The following KCNH1 variants were observed in gnomAD, a reference collection of about 807,000 sequenced individuals.
The protein encoded by KCNH1 is potassium voltage-gated channel subfamily H member 1, also known as voltage-gated delayed rectifier potassium channel KCNH1.
KCNH1 carries 27 observed loss-of-function variants against 69.2 expected under a neutral mutation model. That is an observed-to-expected ratio of 0.39 (90% CI 0.29 to 0.54). KCNH1 has a LOEUF of 0.54. KCNH1 is among the 20% of genes least tolerant of loss of function. KCNH1 has a pLI of 0.68. For synonymous variants in KCNH1, 456 were observed against 487.7 expected, an observed-to-expected ratio of 0.93 and a Z score of 0.86; for missense variants, 798 against 1,261.6, an observed-to-expected ratio of 0.63 and a Z score of 5.57.
intron 5 of KCNH1, among the ~76,000 whole-genome samples, chr1:211,030,446 T>C (rs1484733502): frequency 1.3e-5 from 2 of 152,058 alleles, no homozygotes; most frequent in South Asian, 2.1e-4. Flanking sequence ...ATTCCAGAAA[T>C]AGACCCATAC....
intron 6 of KCNH1, among the ~76,000 whole-genome samples, chr1:210,929,479 G>T (rs138240338): frequency 6.6e-6 from 1 of 151,976 alleles, no homozygotes; most frequent in Non-Finnish European, 1.5e-5. Flanking sequence ...ATTCAGCATC[G>T]CTTTATGATT....
In KCNH1 at chr1:210,966,117, A is replaced by G. The variant is rs930783785; in HGVS notation, c.1033-46048T>C. On this transcript the variant is annotated intron_variant, in intron 6 of 10. Coordinates refer to ENST00000271751, the MANE Select transcript of KCNH1 (RefSeq NM_172362.3). The stretch of plus-strand genomic sequence containing the variant: ...CATCTGATCTTTGACAAACCTGACA[A>G]AAACAAGAAATGGGGAAAAGGTTCC... 3.9e-5 allele frequency among the ~76,000 whole-genome samples: 6 copies of G among 152,344 alleles called. No homozygotes were observed. In the East Asian group the frequency reaches 5.8e-4, roughly 15 times the overall value.
intron 7 of KCNH1, among the ~76,000 whole-genome samples, chr1:210,847,033 G>C (rs566812348): frequency 9.2e-5 from 14 of 152,234 alleles, no homozygotes; most frequent in African/African-American, 2.6e-4. Context: ...CAATGAGATA[G>C]CATCTCACAC....
chr1:211,096,702 C>A (rs1434759388), intron 3 of KCNH1, among the ~76,000 whole-genome samples: 2 of 152,154 alleles, frequency 1.3e-5, no homozygotes, highest in Admixed American at 1.3e-4. Context: ...ATATATATAT[C>A]TAATGTAATT....
chr1:211,033,806 C>T (rs1689842115), intron 5 of KCNH1, among the ~76,000 whole-genome samples: 1 of 151,934 alleles, frequency 6.6e-6, no homozygotes, highest in South Asian at 2.1e-4. Flanking sequence ...GGAGATATAC[C>T]TAATGTTAAA....
intron 10 of KCNH1, among the ~76,000 whole-genome samples, chr1:210,774,321 A>G (rs1683818068): frequency 6.6e-6 from 1 of 152,168 alleles, no homozygotes; most frequent in African/African-American, 2.4e-5. Flanking sequence ...TTTTTAATGA[A>G]GAGCTTTGTG....
chr1:210,831,008 C>T (rs1182532473), intron 7 of KCNH1, among the ~76,000 whole-genome samples: 1 of 152,172 alleles, frequency 6.6e-6, no homozygotes, highest in Non-Finnish European at 1.5e-5. Flanking sequence ...TTCAGGCACA[C>T]TGTCATTAAA....
intron 7 of KCNH1, among the ~76,000 whole-genome samples, chr1:210,913,908 C>A (rs1053635779): frequency 3.3e-5 from 5 of 152,130 alleles, no homozygotes; most frequent in Non-Finnish European, 1.5e-5. Context: ...AAGTGATAGA[C>A]AACTTCCTAG....
At chr1:210,698,423 C>T (rs1010753631) in intron 10 of KCNH1, among the ~76,000 whole-genome samples, 2 of 152,030 alleles carry the variant, frequency 1.3e-5, no homozygotes, top group African/African-American at 2.4e-5. Context: ...TGGACAGAGG[C>T]CCTAAGAGAA....
intron 7 of KCNH1, among the ~76,000 whole-genome samples, chr1:210,855,037 A>C (rs1238401157): frequency 6.6e-6 from 1 of 152,156 alleles, no homozygotes; most frequent in African/African-American, 2.4e-5. Flanking sequence ...TTTTAACCTA[A>C]TATCACCTGC....
chr1:210,754,197 G>A (rs1277897590), intron 10 of KCNH1, among the ~76,000 whole-genome samples: 1 of 152,052 alleles, frequency 6.6e-6, no homozygotes, highest in Admixed American at 6.6e-5. Flanking sequence ...GGGATTACAG[G>A]CATGAGCCAC....
chr1:210,698,725 A>G (rs910529610), intron 10 of KCNH1, among the ~76,000 whole-genome samples: 2 of 152,192 alleles, frequency 1.3e-5, no homozygotes, highest in African/African-American at 2.4e-5. Context: ...GACCTTGCAC[A>G]ACAACCCTAT....
intron 6 of KCNH1, among the ~76,000 whole-genome samples, chr1:210,964,597 G>A (rs371552262): frequency 6.6e-6 from 1 of 152,196 alleles, no homozygotes; most frequent in East Asian, 1.9e-4. Context: ...ATCTGAAATT[G>A]GGACAGTAAT....
rs558598121 is a variant in KCNH1 at position 210,788,888 on chromosome 1, G to A, written c.1915+8620C>T. Among the ~76,000 whole-genome samples, 303 of 148,836 alleles carry A rather than the reference G, an allele frequency of 2.0e-3. 1 individual carries two copies. The highest frequency in any genetic ancestry group is 3.4e-3 in the Non-Finnish European group (231 of 67,778). On this transcript the variant is annotated intron_variant, in intron 9 of 10. Coordinates refer to ENST00000271751, the MANE Select transcript of KCNH1 (RefSeq NM_172362.3). ...ATTTTTTGTATTTTTAGTAGAGACG[G>A]GGTTTCACCGTTTTAGCCGGGATGG...
intron 7 of KCNH1, among the ~76,000 whole-genome samples, chr1:210,815,883 C>T (rs2102420184): frequency 6.6e-6 from 1 of 152,326 alleles, no homozygotes; most frequent in Non-Finnish European, 1.5e-5. Context: ...ACACACAGAT[C>T]CCACACCCTT....
intron 6 of KCNH1, among the ~76,000 whole-genome samples, chr1:210,943,413 A>C (rs1289485894): frequency 6.6e-6 from 1 of 151,852 alleles, no homozygotes; most frequent in Non-Finnish European, 1.5e-5. Context: ...CAGTGGCACG[A>C]TCTTGGCTCA....
At chr1:210,796,578 C>T (rs1244343330) in intron 9 of KCNH1, among the ~76,000 whole-genome samples, 1 of 152,186 alleles carries the variant, frequency 6.6e-6, no homozygotes, top group African/African-American at 2.4e-5. Flanking sequence ...CCTCCTCCCA[C>T]ATTCTCTATT....
At chr1:210,777,481 TG>T (rs1481014195) in intron 9 of KCNH1, among the ~76,000 whole-genome samples, 1 of 152,194 alleles carries the variant, frequency 6.6e-6, no homozygotes. Flanking sequence ...ATCTGTAACA[TG>T]GGTGGCTAAT....
intron 10 of KCNH1, among the ~76,000 whole-genome samples, chr1:210,760,798 A>G (rs1282600996): frequency 6.6e-6 from 1 of 152,182 alleles, no homozygotes; most frequent in Non-Finnish European, 1.5e-5. Flanking sequence ...CTTATTCACT[A>G]TCATGAGAAC....
Sources: gnomAD v4.1 joint callset for allele counts (sites outside exome capture counted in the v4.1 genomes callset) on GRCh38, gnomAD v4.1.1 for gene constraint, MANE v1.5 for transcripts, NCBI Gene and HGNC (gene_info 2026-07-23, HGNC 2026-07-21) for gene names.